ZDHHC14: variants seen among roughly 807,000 people sequenced by gnomAD.
The protein encoded by ZDHHC14 is zDHHC palmitoyltransferase 14.
A neutral mutation model predicts 47.7 loss-of-function variants in ZDHHC14; 16 were observed. That is an observed-to-expected ratio of 0.34 (90% CI 0.23 to 0.51). ZDHHC14 has a LOEUF of 0.51. Ranked by LOEUF, ZDHHC14 falls within the 20% of genes least tolerant of loss-of-function variation. The probability of loss-of-function intolerance (pLI) is 0.97; values close to 1 mark genes in which losing one functional copy is unlikely to be tolerated. For missense variants in ZDHHC14, 515 were observed against 662.5 expected, an observed-to-expected ratio of 0.78 and a Z score of 2.44; for synonymous variants, 293 against 278.9, an observed-to-expected ratio of 1.05 and a Z score of -0.50.
intron 5 of ZDHHC14, among the ~76,000 whole-genome samples, chr6:157,641,223 T>C (rs922217791): frequency 9.9e-5 from 15 of 152,226 alleles, no homozygotes; most frequent in African/African-American, 2.9e-4. Context: ...TGTATCTCTA[T>C]GTGCACATAT....
At chr6:157,437,999 G>A (rs1016422220) in intron 1 of ZDHHC14, among the ~76,000 whole-genome samples, 13 of 152,044 alleles carry the variant, frequency 8.6e-5, no homozygotes, top group Admixed American at 2.6e-4. Context: ...TAGGTGTACT[G>A]AACTATCATG....
chr6:157,388,542 A>G (rs757874809), intron 1 of ZDHHC14, among the ~76,000 whole-genome samples: 6 of 152,234 alleles, frequency 3.9e-5, no homozygotes, highest in African/African-American at 1.4e-4. Context: ...GTGGTGATCA[A>G]TAGATACTTA....
Position 157,381,872 on chromosome 6 carries a change from A to G in ZDHHC14, c.-150A>G. 4.9e-6 allele frequency: 3 copies of G among 613,088 alleles called. No individual in the cohort carries two copies. The highest frequency in any genetic ancestry group is 4.0e-6 in the Non-Finnish European group (2 of 494,664). 38.0% of individuals were successfully genotyped at this position (613,088 alleles called of 1,614,324 possible). On this transcript the variant is annotated 5_prime_UTR_variant, in exon 1 of 9. Transcript: ENST00000359775. The stretch of plus-strand genomic sequence containing the variant: ...GAGGGTTAACCTGGGTGTCCTCGGC[A>G]AAGTTGTCGCCGAGCCGGGAGCCCG...
chr6:157,384,501 G>A (rs751802728), intron 1 of ZDHHC14, among the ~76,000 whole-genome samples: 3 of 152,152 alleles, frequency 2.0e-5, no homozygotes, highest in African/African-American at 4.8e-5. Flanking sequence ...GCTATTTGCA[G>A]CATCTTTTTT....
At chr6:157,435,097 G>T (rs148262979) in intron 1 of ZDHHC14, among the ~76,000 whole-genome samples, 1 of 152,206 alleles carries the variant, frequency 6.6e-6, no homozygotes, top group Admixed American at 6.5e-5. Context: ...GGAAGGAATC[G>T]CCATAGCAGT....
chr6:157,430,540 G>A (rs770972002), intron 1 of ZDHHC14, among the ~76,000 whole-genome samples: 1 of 152,142 alleles, frequency 6.6e-6, no homozygotes, highest in Non-Finnish European at 1.5e-5. Context: ...CAATGTCAGG[G>A]CGGGTCCTTC....
At chr6:157,589,724 G>A (rs1037761569) in intron 2 of ZDHHC14, among the ~76,000 whole-genome samples, 1 of 152,120 alleles carries the variant, frequency 6.6e-6, no homozygotes, top group African/African-American at 2.4e-5. Context: ...TGTCCTTATA[G>A]TAGCATGAAA....
chr6:157,566,667 C>T (rs1782913561), intron 2 of ZDHHC14, among the ~76,000 whole-genome samples: 1 of 152,126 alleles, frequency 6.6e-6, no homozygotes, highest in African/African-American at 2.4e-5. Context: ...TGTGAGTTAG[C>T]CCAGGCGAGC....
intron 3 of ZDHHC14, among the ~76,000 whole-genome samples, chr6:157,598,325 G>A (rs112181546): frequency 0.018 from 2,671 of 152,278 alleles, 66 homozygotes; most frequent in African/African-American, 0.06. Flanking sequence ...TTGGAGGGGA[G>A]TGGAGGGAGC....
chr6:157,523,984 A>T (rs1781063111), intron 1 of ZDHHC14, among the ~76,000 whole-genome samples: 1 of 152,252 alleles, frequency 6.6e-6, no homozygotes, highest in African/African-American at 2.4e-5. Context: ...ATAAAATAGG[A>T]CAAAAATTAG....
intron 2 of ZDHHC14, among the ~76,000 whole-genome samples, chr6:157,578,367 A>G (rs1479835438): frequency 6.6e-6 from 1 of 152,144 alleles, no homozygotes; most frequent in Non-Finnish European, 1.5e-5. Flanking sequence ...TTGATTTCAT[A>G]TGTGGTGTAA....
At chr6:157,627,296 A>G (rs1785473242) in intron 3 of ZDHHC14, among the ~76,000 whole-genome samples, 1 of 152,180 alleles carries the variant, frequency 6.6e-6, no homozygotes, top group Admixed American at 6.5e-5. Context: ...TTTCAAGCAC[A>G]TAGAGATAGA....
In ZDHHC14 at chr6:157,593,020, C is replaced by G; in HGVS notation, c.439C>G (p.Arg147Gly). Residue 147 changes from arginine to glycine, a missense_variant, in exon 3 of 9, where the codon CGC becomes GGC. Transcript: ENST00000359775. Reference sequence around the variant, plus strand: ...AAACGGCACCAGTTCAGGGGGGTACCGCCCGCCTCCCAGAACCAAAGAAGT... The same window carrying G: ...AAACGGCACCAGTTCAGGGGGGTACGGCCCGCCTCCCAGAACCAAAGAAGT... ...IANGTSSGGY[R>G]PPPRTKEVII... The G allele has an allele frequency of 6.2e-7, 1 of 1,614,048 alleles. No homozygotes were observed. The highest frequency in any genetic ancestry group is 8.5e-7 in the Non-Finnish European group (1 of 1,179,950).
chr6:157,446,788 T>G (rs981407027), intron 1 of ZDHHC14, among the ~76,000 whole-genome samples: 2 of 152,222 alleles, frequency 1.3e-5, no homozygotes, highest in Non-Finnish European at 2.9e-5. Context: ...TATATGCTGA[T>G]GTATGCATGT....
chr6:157,669,177 C>T (rs1038559624), intron 8 of ZDHHC14, among the ~76,000 whole-genome samples: 3 of 152,168 alleles, frequency 2.0e-5, no homozygotes, highest in Non-Finnish European at 2.9e-5. Context: ...GGAGCTTAAC[C>T]GACCACTGCC....
intron 7 of ZDHHC14, among the ~76,000 whole-genome samples, chr6:157,650,426 G>A (rs1457171201): frequency 1.3e-5 from 2 of 152,056 alleles, no homozygotes; most frequent in African/African-American, 2.4e-5. Context: ...TCCAGGTGAG[G>A]AGGAGAAGGA....
chr6:157,441,161 G>A (rs1190259072), intron 1 of ZDHHC14, among the ~76,000 whole-genome samples: 1 of 152,184 alleles, frequency 6.6e-6, no homozygotes, highest in Non-Finnish European at 1.5e-5. Flanking sequence ...CACCTTTTAG[G>A]AGGTGGAAGT....
chr6:157,396,548 T>C (rs1777526358), intron 1 of ZDHHC14, among the ~76,000 whole-genome samples: 2 of 152,216 alleles, frequency 1.3e-5, no homozygotes, highest in Admixed American at 1.3e-4. Flanking sequence ...CTTACAAACT[T>C]GATGCAGATT....
At chr6:157,394,139 A>G (rs1169747465) in intron 1 of ZDHHC14, among the ~76,000 whole-genome samples, 1 of 152,208 alleles carries the variant, frequency 6.6e-6, no homozygotes, top group African/African-American at 2.4e-5. Flanking sequence ...TGGCCTGGGA[A>G]CATTCTCACT....
Sources: gnomAD v4.1 joint callset for allele counts (sites outside exome capture counted in the v4.1 genomes callset) on GRCh38, gnomAD v4.1.1 for gene constraint, MANE v1.5 for transcripts, NCBI Gene and HGNC (gene_info 2026-07-23, HGNC 2026-07-21) for gene names.